Variants in ADAM20 observed in about 807,000 individuals in gnomAD.
The protein encoded by ADAM20 is disintegrin and metalloproteinase domain-containing protein 20.
For missense variants in ADAM20, 871 were observed against 883.2 expected, an observed-to-expected ratio of 0.99 and a Z score of 0.18; for synonymous variants, 305 against 310.2, an observed-to-expected ratio of 0.98 and a Z score of 0.18.
chr14:70,524,732 T>G lies in ADAM20; in HGVS notation c.26A>C (p.His9Pro), dbSNP rs1337784624. 6.2e-7 allele frequency: 1 copy of G among 1,613,814 alleles called. No homozygotes were observed. Among genetic ancestry groups the G allele is most frequent in the Non-Finnish European group, 8.5e-7 (1 of 1,179,924 alleles). The change falls in exon 2 of 2, where the codon CAC (histidine) becomes CCC (proline). Residue 9 changes from histidine to proline, a missense_variant. Transcript: ENST00000256389. MAVGEPLV[H>P]IRVTLLLLWF... ...GAGCAGCAGAAGAGTGACCCTGATG[T>G]GCACCAGGGGCTCACCCACTGCCAT...
Position 70,534,900 on chromosome 14 carries a change from G to C in ADAM20, c.-280C>G, listed in dbSNP as rs1227840681. On this transcript the variant is annotated 5_prime_UTR_variant, in exon 1 of 2. Coordinates refer to ENST00000256389, the MANE Select transcript of ADAM20 (RefSeq NM_003814.5). ...TTGGTGTGTTTTTCTTTTTTGGACA[G>C]GATATTGACAGACACAAGACTTGGT... is the stretch of plus-strand genomic sequence containing the variant. 1 of 151,976 alleles carries C rather than the reference G, an allele frequency of 6.6e-6. No homozygotes were observed. Among genetic ancestry groups the C allele is most frequent in the Non-Finnish European group, 1.5e-5 (1 of 67,984 alleles). 9.4% of individuals were successfully genotyped at this position (151,976 alleles called of 1,614,324 possible). A position where few individuals can be genotyped will look rare whatever the true frequency, so the allele number is the denominator to read the frequency against.
At chr14:70,538,101 T>A (rs973319742), upstream of ADAM20, among the ~76,000 whole-genome samples, 1 of 152,120 alleles carries the variant, frequency 6.6e-6, no homozygotes, top group African/African-American at 2.4e-5. Flanking sequence ...TCCCCCTGCA[T>A]CATGATGCTC....
chr14:70,528,604 T>A (rs888036598), intron 1 of ADAM20, among the ~76,000 whole-genome samples: 1 of 152,156 alleles, frequency 6.6e-6, no homozygotes, highest in Non-Finnish European at 1.5e-5. Flanking sequence ...CAGAGCTTAG[T>A]GGAGATAATC....
the ADAM20 span, among the ~76,000 whole-genome samples, chr14:70,541,055 T>C: frequency 6.6e-6 from 1 of 151,840 alleles, no homozygotes; most frequent in African/African-American, 2.4e-5. Context: ...CCTCCCAAAG[T>C]GCTGGGATTA....
At chr14:70,538,851 G>C (rs988886590), upstream of ADAM20, among the ~76,000 whole-genome samples, 2 of 152,168 alleles carry the variant, frequency 1.3e-5, no homozygotes, top group African/African-American at 4.8e-5. Flanking sequence ...AGGTTGGAGT[G>C]CAGTGGCACG....
chr14:70,568,618 T>C, the ADAM20 span, among the ~76,000 whole-genome samples: 4 of 152,082 alleles, frequency 2.6e-5, no homozygotes, highest in South Asian at 6.2e-4. Context: ...TGAAATCCAA[T>C]ACAAAGACAC....
At chr14:70,532,511 A>T (rs1195565506) in intron 1 of ADAM20, among the ~76,000 whole-genome samples, 2 of 152,166 alleles carry the variant, frequency 1.3e-5, no homozygotes, top group Non-Finnish European at 2.9e-5. Flanking sequence ...GGAGACAATC[A>T]ACAGATTGGA....
At chr14:70,554,643 T>G in the ADAM20 span, among the ~76,000 whole-genome samples, 6 of 152,072 alleles carry the variant, frequency 3.9e-5, no homozygotes, top group Non-Finnish European at 2.9e-5. Flanking sequence ...CTAAATGAAA[T>G]AAGCCAGATG....
the ADAM20 span, among the ~76,000 whole-genome samples, chr14:70,578,487 G>A: frequency 6.6e-6 from 1 of 152,128 alleles, no homozygotes; most frequent in South Asian, 2.1e-4. Context: ...ACAAAAAATA[G>A]ACAAATGAGA....
At chr14:70,535,044 T>G (rs1883803086), upstream of ADAM20, 1 of 152,242 alleles carries the variant, frequency 6.6e-6, no homozygotes, top group Non-Finnish European at 1.5e-5. Flanking sequence ...TGTAATGACA[T>G]CACAATTAGT....
chr14:70,566,682 G>C, the ADAM20 span, among the ~76,000 whole-genome samples: 1 of 152,156 alleles, frequency 6.6e-6, no homozygotes, highest in Non-Finnish European at 1.5e-5. Context: ...GAATCCTGCA[G>C]AAAAAGTAGG....
At chr14:70,560,320 A>C in the ADAM20 span, among the ~76,000 whole-genome samples, 4 of 152,198 alleles carry the variant, frequency 2.6e-5, no homozygotes, top group Non-Finnish European at 5.9e-5. Flanking sequence ...AGGCTCAATC[A>C]AAAAAGATTT....
At chr14:70,530,526 T>C (rs954764047) in intron 1 of ADAM20, among the ~76,000 whole-genome samples, 5 of 152,240 alleles carry the variant, frequency 3.3e-5, no homozygotes, top group Non-Finnish European at 5.9e-5. Context: ...TATACTTTTA[T>C]ATGATTGGTA....
the ADAM20 span, among the ~76,000 whole-genome samples, chr14:70,561,857 A>C: frequency 6.6e-6 from 1 of 152,254 alleles, no homozygotes; most frequent in South Asian, 2.1e-4. Flanking sequence ...GATGTATGGA[A>C]ATGCCTGGAT....
At chr14:70,568,199 A>T in the ADAM20 span, among the ~76,000 whole-genome samples, 1 of 152,212 alleles carries the variant, frequency 6.6e-6, no homozygotes, top group Non-Finnish European at 1.5e-5. Context: ...GTGTCCGCTC[A>T]TATGTTCAAT....
Position 70,523,104 on chromosome 14 carries a change from CAT to C in ADAM20, c.1652_1653del (p.Tyr551CysfsTer7), listed in dbSNP as rs756206864. On this transcript the variant is annotated frameshift_variant, in exon 2 of 2. Transcript: ENST00000256389. LOFTEE classifies it low-confidence loss of function (END_TRUNC). ...ATGATATCAGGGGTCCAACATTTTACATATGTTGTGCCTACAATACCACAGTG... is the reference window on the plus strand; with the variant it reads ...ATGATATCAGGGGTCCAACATTTTACATGTTGTGCCTACAATACCACAGTG... ...FGHCGIVGTT[Y>X]VKCWTPDIMC... 5.6e-6 allele frequency: 9 copies of C among 1,613,892 alleles called. No individual in the cohort carries two copies. The South Asian group carries it at 8.8e-5, about 16-fold the overall frequency.
At chr14:70,555,156 A>G in the ADAM20 span, among the ~76,000 whole-genome samples, 1 of 152,238 alleles carries the variant, frequency 6.6e-6, no homozygotes, top group African/African-American at 2.4e-5. Flanking sequence ...TTCAGTAACG[A>G]AAGTGAATAA....
At chr14:70,575,648 C>T in the ADAM20 span, among the ~76,000 whole-genome samples, 196 of 152,092 alleles carry the variant, frequency 1.3e-3, 2 homozygotes, top group African/African-American at 4.4e-3. Context: ...CTCAGTAAAA[C>T]TAAAAAATAT....
At chr14:70,530,037 C>T (rs981542828) in intron 1 of ADAM20, among the ~76,000 whole-genome samples, 8 of 152,160 alleles carry the variant, frequency 5.3e-5, no homozygotes, top group Non-Finnish European at 1.2e-4. Flanking sequence ...AATCCCAGCA[C>T]TTTGGGAGGC....
Sources: allele counts gnomAD v4.1 joint callset (sites outside exome capture counted in the v4.1 genomes callset), GRCh38; gene constraint gnomAD v4.1.1; transcripts MANE v1.5; gene names NCBI Gene and HGNC (gene_info 2026-07-23, HGNC 2026-07-21).